Variants in PARG observed in about 807,000 individuals in gnomAD.
The protein encoded by PARG is mitochondrial poly(ADP-ribose) glycohydrolase.
Under a neutral mutation model 113.0 loss-of-function variants are expected in PARG, and 35 were observed. That is an observed-to-expected ratio of 0.31 (90% CI 0.24 to 0.41). The LOEUF is 0.41. Ranked by LOEUF, PARG falls within the 10% of genes least tolerant of loss-of-function variation. PARG has a pLI of 1.00. For synonymous variants in PARG, 330 were observed against 409.9 expected (o/e 0.81, Z 2.36); for missense variants, 797 against 1,169.4 (o/e 0.68, Z 4.64).
At chr10:49,856,917 G>C (rs369220776) in intron 13 of PARG, among the ~76,000 whole-genome samples, 3 of 149,744 alleles carry the variant, frequency 2.0e-5, no homozygotes, top group Non-Finnish European at 4.4e-5. Context: ...GCTGAGGCAG[G>C]AGAATCGCTT....
At chr10:49,922,784 G>C in intron 4 of PARG, 115 bp from the exon 5 acceptor site, 2 of 758,610 alleles carry the variant, frequency 2.6e-6, no homozygotes, top group Non-Finnish European at 4.2e-6. Context: ...TCCCAGGCAA[G>C]AAATCACCAA....
intron 7 of PARG, among the ~76,000 whole-genome samples, chr10:49,899,049 A>C (rs1422337604): frequency 6.6e-6 from 1 of 152,188 alleles, no homozygotes; most frequent in African/African-American, 2.4e-5. Context: ...AAATATGTTA[A>C]ATTAACTGAC....
At chr10:49,879,271 G>A (rs1847102833) in intron 9 of PARG, among the ~76,000 whole-genome samples, 1 of 151,706 alleles carries the variant, frequency 6.6e-6, no homozygotes, top group East Asian at 1.9e-4. Context: ...TTGTAGAAAG[G>A]AGGACTTTTC....
At chr10:49,907,643 T>A (rs1243995650) in intron 7 of PARG, among the ~76,000 whole-genome samples, 1 of 152,192 alleles carries the variant, frequency 6.6e-6, no homozygotes, top group Non-Finnish European at 1.5e-5. Context: ...TAGATAAGTG[T>A]TCAAAGCATA....
At chr10:49,833,112 T>C in intron 15 of PARG, 1 of 363,452 alleles carries the variant, frequency 2.8e-6, no homozygotes. Context: ...GACTAAGAAA[T>C]GATAAATTCT....
chr10:49,819,345 T>C lies in PARG; in HGVS notation c.2926A>G (p.Thr976Ala). ...TADHSGQRTGT is the reference protein window; with the variant it reads ...TADHSGQRTGA ...GATGCTATTCGCTCGGCTCCTCAGG[T>C]CCCTGTCCTTTGCCCTGAATGGTCA... Residue 976 changes from threonine to alanine, a missense_variant, in exon 18 of 18, where the codon ACC becomes GCC. By Grantham distance (58) the Thr-to-Ala change is moderately conservative. Around this residue, in one of 5 missense-constraint regions of PARG, gnomAD observed 194 missense variants for 247.1 expected, o/e 0.79. Transcript: ENST00000616448. 1.3e-6 allele frequency: 2 copies of C among 1,551,232 alleles called. No homozygotes were observed. Among genetic ancestry groups the C allele is most frequent in the Non-Finnish European group, 1.7e-6 (2 of 1,146,750 alleles).
chr10:49,868,806 C>T (rs2132577215), intron 10 of PARG, among the ~76,000 whole-genome samples: 1 of 151,216 alleles, frequency 6.6e-6, no homozygotes, highest in East Asian at 2.0e-4. Context: ...AAGGTAATGG[C>T]CGTTATTATA....
At chr10:49,938,708 A>G (rs1338410604) in intron 1 of PARG, among the ~76,000 whole-genome samples, 2 of 152,052 alleles carry the variant, frequency 1.3e-5, no homozygotes, top group African/African-American at 4.8e-5. Context: ...AGTAGCTGGG[A>G]CTACAGGTGC....
chr10:49,820,855 T>C (rs1403234286), intron 16 of PARG, among the ~76,000 whole-genome samples: 1 of 151,992 alleles, frequency 6.6e-6, no homozygotes, highest in African/African-American at 2.4e-5. Flanking sequence ...GAACCACAAA[T>C]AAAGGAAGCT....
intron 6 of PARG, 86 bp downstream of exon 6, chr10:49,922,250 G>T: frequency 1.5e-6 from 2 of 1,378,938 alleles, no homozygotes; most frequent in South Asian, 1.3e-5. Flanking sequence ...AAACAATGTT[G>T]CTACCTGAGT....
chr10:49,870,001 A>G (rs2132584418), intron 9 of PARG, among the ~76,000 whole-genome samples: 1 of 152,292 alleles, frequency 6.6e-6, no homozygotes, highest in African/African-American at 2.4e-5. Context: ...GTGGAGGGGA[A>G]TGGGGGCAGG....
intron 16 of PARG, among the ~76,000 whole-genome samples, chr10:49,828,092 C>CAAAAAAAAAAAAAAAAA (rs71026274): frequency 7.9e-5 from 4 of 50,370 alleles, no homozygotes; most frequent in African/African-American, 1.6e-4. Flanking sequence ...AAAGCTTAAA[C>CAAAAAAAAAAAAAAAAA]AAAAAAAAAA....
chr10:49,843,349 T>C (rs1020096074), intron 14 of PARG, among the ~76,000 whole-genome samples: 2 of 152,246 alleles, frequency 1.3e-5, no homozygotes, highest in South Asian at 4.1e-4. Context: ...AGACTTTTGG[T>C]TTTATCTTCT....
intron 11 of PARG, among the ~76,000 whole-genome samples, chr10:49,861,917 CT>C (rs1564619377): frequency 6.6e-6 from 1 of 151,088 alleles, no homozygotes; most frequent in Non-Finnish European, 1.5e-5. Flanking sequence ...GAAAGTTTTT[CT>C]TCTTTAAAAC....
intron 10 of PARG, among the ~76,000 whole-genome samples, chr10:49,866,857 AC>A (rs1554836995): frequency 1.3e-5 from 2 of 152,142 alleles, no homozygotes; most frequent in Non-Finnish European, 2.9e-5. Flanking sequence ...CATCTATAAG[AC>A]ACTTTATCTA....
chr10:49,895,916 A>T (rs1848062897), intron 7 of PARG, among the ~76,000 whole-genome samples: 1 of 152,188 alleles, frequency 6.6e-6, no homozygotes, highest in South Asian at 2.1e-4. Flanking sequence ...TATGGCAAGT[A>T]TATAAAAATA....
In PARG at chr10:49,933,889, T is replaced by C. The variant is rs1838615696; in HGVS notation, c.559A>G (p.Ile187Val). The change falls in exon 3 of 18, where the codon ATT becomes GTT. Residue 187 changes from isoleucine to valine, a missense_variant. This residue lies in a region of PARG where 284 missense variants were observed against 306.1 expected (regional missense o/e 0.93). Transcript: ENST00000616448. ...LVPEQFSNAN[I>V]DRSPQNDDHS... is the part of the protein sequence containing the mutation. The stretch of plus-strand genomic sequence containing the variant: ...TCATCATTTTGAGGTGACCGATCAA[T>C]GTTAGCATTACTAAACTGCTCTGGT... The C allele has an allele frequency of 2.5e-6, 4 of 1,599,430 alleles. No homozygotes were observed. The highest frequency in any genetic ancestry group is 1.7e-6 in the Non-Finnish European group (2 of 1,166,774).
At chr10:49,939,977 C>G (rs2133013525) in intron 1 of PARG, among the ~76,000 whole-genome samples, 1 of 152,358 alleles carries the variant, frequency 6.6e-6, no homozygotes, top group East Asian at 1.9e-4. Context: ...CCTCCCACCT[C>G]TACAGCCGCT....
chr10:49,876,812 A>G (rs547446700), intron 9 of PARG, among the ~76,000 whole-genome samples: 2,006 of 150,954 alleles, frequency 0.013, 40 homozygotes, highest in African/African-American at 0.045. Flanking sequence ...CTCATTGTAC[A>G]TTTGAACTAA....
Sources: gnomAD v4.1 joint callset for allele counts (sites outside exome capture counted in the v4.1 genomes callset) on GRCh38, gnomAD v4.1.1 for gene constraint, gnomAD v4.1.1 regional missense constraint, MANE v1.5 for transcripts, NCBI Gene and HGNC (gene_info 2026-07-23, HGNC 2026-07-21) for gene names.